SMG5: variants seen among roughly 807,000 people sequenced by gnomAD.
SMG5 encodes SMG5 nonsense mediated mRNA decay factor.
SMG5 carries 53 observed loss-of-function variants against 122.9 expected under a neutral mutation model. That is an observed-to-expected ratio of 0.43 (90% CI 0.35 to 0.54). The LOEUF (loss-of-function observed/expected upper bound fraction) is 0.54, where lower values mean the gene tolerates loss of function less well. Ranked by LOEUF, SMG5 falls within the 20% of genes least tolerant of loss-of-function variation. The probability of loss-of-function intolerance (pLI) is 0.01; values close to 1 mark genes in which losing one functional copy is unlikely to be tolerated. For synonymous variants in SMG5, 477 were observed against 490.2 expected (o/e 0.97, Z 0.35); for missense variants, 1,153 against 1,285.6 (o/e 0.90, Z 1.58).
rs1039529454 is a variant in SMG5, at chr1:156,263,388, G to T, written c.2031+7C>A. The T allele has an allele frequency of 1.2e-6, 2 of 1,608,974 alleles. No individual in the cohort carries two copies. Among genetic ancestry groups the T allele is most frequent in the Non-Finnish European group, 1.7e-6 (2 of 1,176,324 alleles). ...CCTGACAGGGGCAATGGAGTGGACT[G>T]ACACACCTGCGCACACACGATGATG... On this transcript the variant is annotated splice_region_variant and intron_variant, in intron 13 of 21. Transcript: ENST00000361813.
chr1:156,271,794 T>C (rs1409257466), intron 7 of SMG5, among the ~76,000 whole-genome samples: 1 of 152,102 alleles, frequency 6.6e-6, no homozygotes, highest in Non-Finnish European at 1.5e-5. Flanking sequence ...GGTTTCACCA[T>C]GTTGGCCAGG....
chr1:156,265,341 T>C (rs764393926), intron 12 of SMG5, among the ~76,000 whole-genome samples: 8 of 151,552 alleles, frequency 5.3e-5, no homozygotes, highest in Non-Finnish European at 1.2e-4. Context: ...ATGCATAGAG[T>C]AGCCTTAACA....
intron 1 of SMG5, among the ~76,000 whole-genome samples, chr1:156,281,845 C>G (rs907840057): frequency 4.6e-5 from 7 of 152,168 alleles, no homozygotes; most frequent in Admixed American, 4.6e-4. Context: ...CTGTTGCCAA[C>G]AGAGGGCTGA....
At chr1:156,258,945 CTGGTT>C in intron 16 of SMG5, 55 bp downstream of exon 16, 1 of 1,601,824 alleles carries the variant, frequency 6.2e-7, no homozygotes, top group Non-Finnish European at 8.5e-7. Context: ...GCCTCTTGCC[CTGGTT>C]TCTCAGTGAG....
intron 1 of SMG5, 50 bp downstream of exon 1, chr1:156,282,557 C>T (rs1186748733): frequency 1.9e-6 from 3 of 1,555,300 alleles, no homozygotes; most frequent in East Asian, 2.4e-5. Flanking sequence ...CGCCCCTCGC[C>T]GTCTCCCCAC....
intron 2 of SMG5, 45 bp from the exon 3 acceptor site, chr1:156,278,093 A>T: frequency 6.2e-7 from 1 of 1,609,230 alleles, no homozygotes; most frequent in South Asian, 1.1e-5. Flanking sequence ...CATCCCTTGG[A>T]GCAGGGACAT....
chr1:156,261,208 G>A (rs529194057), intron 14 of SMG5, 125 bp downstream of exon 14: 433 of 873,022 alleles, frequency 5.0e-4, no homozygotes, highest in Admixed American at 9.9e-4. Context: ...CTGTGTGCTA[G>A]GGAGGCTGGC....
chr1:156,268,489 C>A (rs1433910211), intron 7 of SMG5, 74 bp from the exon 8 acceptor site: 1 of 1,570,132 alleles, frequency 6.4e-7, no homozygotes, highest in East Asian at 2.2e-5. Flanking sequence ...CTTTAGGAAA[C>A]AATGTTACTA....
intron 11 of SMG5, 47 bp downstream of exon 11, chr1:156,266,494 G>A (rs1457312158): frequency 6.2e-7 from 1 of 1,612,892 alleles, no homozygotes; most frequent in South Asian, 1.1e-5. Context: ...TCATCCCCAT[G>A]CCCCACACCA....
chr1:156,282,608 G>T lies in SMG5; in HGVS notation c.73C>A (p.Arg25=). ...CTCTCACGCCCTGGCCCCTCTCACC[G>T]GTAAAGCCGCTTAGTGTGGAGGACT... ...AKVLHTKRLY[R]AVVEAVHRLD... The change falls in exon 1 of 22, where the codon CGG becomes AGG. Residue 25 remains arginine (R), a splice_region_variant and synonymous_variant. Transcript: ENST00000361813. 3.1e-6 allele frequency: 5 copies of T among 1,607,364 alleles called. No individual in the cohort carries two copies. The highest frequency in any genetic ancestry group is 4.2e-6 in the Non-Finnish European group (5 of 1,179,122).
At position 156,272,349 on chromosome 1, in the gene SMG5, A is replaced by G. The variant is rs769364219; in HGVS notation, c.684T>C (p.Asn228=). The change falls in exon 7 of 22, where the codon AAT becomes AAC. Residue 228 remains asparagine, a synonymous_variant. Transcript: ENST00000361813. ...GCAGGTAGCAATACATGGCTTCCAC[A>G]TTATAGTACTTGCTGCCTGCCAGGG... ...LGTLAGSKYY[N]VEAMYCYLRC... 1.4e-5 allele frequency: 22 copies of G among 1,601,362 alleles called. No individual in the cohort carries two copies. The South Asian group carries it at 2.2e-4, about 16-fold the overall frequency.
intron 13 of SMG5, among the ~76,000 whole-genome samples, chr1:156,263,007 T>A (rs1661927532): frequency 1.3e-5 from 2 of 152,154 alleles, no homozygotes; most frequent in Admixed American, 6.5e-5. Flanking sequence ...TCTTCACAAC[T>A]CTTGTCAGAA....
chr1:156,286,208 G>T (rs1663155263), upstream of SMG5: 2 of 1,573,632 alleles, frequency 1.3e-6, no homozygotes, highest in Non-Finnish European at 1.7e-6. Context: ...ACTGCCTCTT[G>T]TGCCCTTCCC....
chr1:156,277,264 G>A, intron 3 of SMG5, 23 bp from the exon 4 acceptor site: 3 of 1,608,048 alleles, frequency 1.9e-6, no homozygotes, highest in Admixed American at 1.7e-5. Context: ...AAAGGGAAGG[G>A]GCTGGTTAAG....
upstream of SMG5, chr1:156,286,544 G>C: frequency 6.6e-7 from 1 of 1,507,450 alleles, no homozygotes; most frequent in Non-Finnish European, 9.2e-7. Flanking sequence ...TGAATGTCTG[G>C]AGAGCCAGGG....
chr1:156,251,838 G>A (rs1661370931), intron 19 of SMG5, among the ~76,000 whole-genome samples: 1 of 152,154 alleles, frequency 6.6e-6, no homozygotes, highest in Non-Finnish European at 1.5e-5. Context: ...AGCAGGGAGA[G>A]GGAAGCTTTC....
In SMG5 at chr1:156,251,917, G is replaced by A. The variant is rs145845955; in HGVS notation, c.2754-440C>T. Among the ~76,000 whole-genome samples the A allele has an allele frequency of 9.6e-3, 1,460 of 152,278 alleles. 23 individuals carry two copies. Among genetic ancestry groups the A allele is most frequent in the African/African-American group, 0.033 (1,384 of 41,550 alleles). On this transcript the variant is annotated intron_variant, in intron 19 of 21. Coordinates refer to ENST00000361813, the MANE Select transcript of SMG5 (RefSeq NM_015327.3). ...AAGGCCAGAAGGGCAGGCCTGTACC[G>A]GCTGAGCATCTGCACATGCTGCCAG...
At chr1:156,286,428 C>T (rs1301593999), upstream of SMG5, 1 of 1,614,210 alleles carries the variant, frequency 6.2e-7, no homozygotes, top group Non-Finnish European at 8.5e-7. Flanking sequence ...CCCCAGGATA[C>T]CCTCAAACTG....
At chr1:156,261,610 G>A (rs550634600) in intron 13 of SMG5, among the ~76,000 whole-genome samples, 1 of 152,264 alleles carries the variant, frequency 6.6e-6, no homozygotes, top group South Asian at 2.1e-4. Flanking sequence ...TGGGCTGGCT[G>A]GGCACGGTGG....
Sources: gnomAD v4.1 joint callset for allele counts (sites outside exome capture counted in the v4.1 genomes callset) on GRCh38, gnomAD v4.1.1 for gene constraint, MANE v1.5 for transcripts, NCBI Gene and HGNC (gene_info 2026-07-23, HGNC 2026-07-21) for gene names.